The following DNAH14 variants were observed in gnomAD, a reference collection of about 807,000 sequenced individuals.
DNAH14 encodes axonemal beta dynein heavy chain 14.
Under a neutral mutation model 520.9 loss-of-function variants are expected in DNAH14, and 478 were observed. That is an observed-to-expected ratio of 0.92 (90% CI 0.85 to 0.99). The LOEUF (loss-of-function observed/expected upper bound fraction) is 0.99, where lower values mean the gene tolerates loss of function less well. Ranked by LOEUF, DNAH14 falls within the 50% of genes least tolerant of loss-of-function variation. The pLI is 0.00. For missense variants in DNAH14, 4,831 were observed against 5,234.5 expected, an observed-to-expected ratio of 0.92 and a Z score of 2.38; for synonymous variants, 1,581 against 1,757.2, an observed-to-expected ratio of 0.90 and a Z score of 2.51.
At chr1:225,335,085 A>T (rs1209715628) in intron 66 of DNAH14, among the ~76,000 whole-genome samples, 1 of 149,258 alleles carries the variant, frequency 6.7e-6, no homozygotes, top group Admixed American at 6.7e-5. Flanking sequence ...GTACATATGT[A>T]CATATATACA....
At chr1:225,220,599 T>C (rs1247954629) in intron 41 of DNAH14, among the ~76,000 whole-genome samples, 1 of 152,114 alleles carries the variant, frequency 6.6e-6, no homozygotes, top group East Asian at 1.9e-4. Flanking sequence ...TTACAAGGGA[T>C]GTGATGGACC....
chr1:225,263,458 C>A (rs2093009094), intron 46 of DNAH14, among the ~76,000 whole-genome samples: 1 of 151,824 alleles, frequency 6.6e-6, no homozygotes, highest in African/African-American at 2.4e-5. Flanking sequence ...TATAGCCCAT[C>A]TGATTCCTCC....
At chr1:225,191,473 C>A (rs965525591) in intron 37 of DNAH14, among the ~76,000 whole-genome samples, 6 of 152,074 alleles carry the variant, frequency 3.9e-5, no homozygotes, top group South Asian at 4.1e-4. Context: ...TATTGCCTCT[C>A]TCCTGCTACT....
chr1:225,338,361 C>A, intron 68 of DNAH14, 179 bp downstream of exon 68: 1 of 805,246 alleles, frequency 1.2e-6, no homozygotes, highest in Non-Finnish European at 2.1e-6. Context: ...GAAGAGATAA[C>A]CGATTTTTAT....
chr1:225,338,302 G>C, intron 68 of DNAH14, 120 bp downstream of exon 68: 1 of 1,271,894 alleles, frequency 7.9e-7, no homozygotes, highest in Non-Finnish European at 1.1e-6. Flanking sequence ...GATTGTCTTT[G>C]GAATATTCTT....
At chr1:225,285,150 G>A (rs2149953326) in intron 54 of DNAH14, among the ~76,000 whole-genome samples, 1 of 152,312 alleles carries the variant, frequency 6.6e-6, no homozygotes, top group African/African-American at 2.4e-5. Context: ...AAGAAAAAGT[G>A]GGGAAAGGGC....
chr1:225,272,927 A>G (rs1009753717), intron 51 of DNAH14, 28 bp from the exon 52 acceptor site: 3 of 1,496,308 alleles, frequency 2.0e-6, no homozygotes, highest in Non-Finnish European at 2.7e-6. Flanking sequence ...TTTTTTTTAA[A>G]AAAACGTTAT....
At chr1:224,998,135 C>T (rs185295983) in intron 8 of DNAH14, among the ~76,000 whole-genome samples, 1 of 152,108 alleles carries the variant, frequency 6.6e-6, no homozygotes, top group Non-Finnish European at 1.5e-5. Context: ...ATCTTGATAT[C>T]CCCTATTTCA....
intron 1 of DNAH14, among the ~76,000 whole-genome samples, chr1:224,933,391 C>CT (rs371081898): frequency 2.6e-5 from 4 of 151,992 alleles, no homozygotes; most frequent in Admixed American, 6.5e-5. Context: ...ATTTGATTTT[C>CT]TTTTTTTCCA....
chr1:225,214,762 G>A (rs984229148), intron 41 of DNAH14, among the ~76,000 whole-genome samples: 4 of 152,050 alleles, frequency 2.6e-5, no homozygotes, highest in African/African-American at 7.2e-5. Context: ...TATCCCCTTT[G>A]TCATTTTTTA....
chr1:225,272,395 T>C (rs926430523), intron 51 of DNAH14, among the ~76,000 whole-genome samples: 5 of 152,242 alleles, frequency 3.3e-5, no homozygotes, highest in African/African-American at 7.2e-5. Context: ...TGAAAGCATG[T>C]ATGCATTTCA....
intron 23 of DNAH14, among the ~76,000 whole-genome samples, chr1:225,104,145 A>G (rs1345464782): frequency 6.6e-6 from 1 of 152,190 alleles, no homozygotes; most frequent in Non-Finnish European, 1.5e-5. Flanking sequence ...TATTGAGATA[A>G]TCATATGGTT....
At chr1:225,047,158 A>G (rs55785201) in intron 15 of DNAH14, among the ~76,000 whole-genome samples, 8,385 of 152,154 alleles carry the variant, frequency 0.055, 471 homozygotes, top group East Asian at 0.24. Context: ...ACACACAACT[A>G]TATTTATTCC....
chr1:224,987,152 GACAGAC>G (rs2062702702), intron 8 of DNAH14, among the ~76,000 whole-genome samples: 1 of 134,076 alleles, frequency 7.5e-6, no homozygotes, highest in African/African-American at 2.7e-5. Context: ...CAGAGACAGA[GACAGAC>G]CTGAGACCTG....
In DNAH14 at chr1:225,353,852, C is replaced by A; in HGVS notation, c.11583C>A (p.Pro3861=). 1.3e-6 allele frequency: 2 copies of A among 1,515,134 alleles called. No individual in the cohort carries two copies. The highest frequency in any genetic ancestry group is 1.4e-5 in the African/African-American group (1 of 71,800). The allele number at this position is 1,515,134 out of a possible 1,614,324, so 93.9% of individuals were successfully genotyped here. The part of the protein sequence containing the change: ...NKETCNPINF[P]WEKLTSFQRL... ...AAACGTGTAATCCTATAAATTTTCC[C>A]TGGGAGAAACTCACTTCATTTCAAA... Residue 3861 remains proline, a synonymous_variant, in exon 73 of 86, where the codon CCC becomes CCA. Coordinates refer to ENST00000682510, the MANE Select transcript of DNAH14 (RefSeq NM_001367479.1).
At chr1:224,956,782 T>C (rs572586764) in intron 3 of DNAH14, among the ~76,000 whole-genome samples, 6 of 152,212 alleles carry the variant, frequency 3.9e-5, no homozygotes, top group East Asian at 3.9e-4. Context: ...CTGGCCTTCA[T>C]TGGGCCAGAA....
chr1:225,272,483 T>A (rs940666921), intron 51 of DNAH14, among the ~76,000 whole-genome samples: 1 of 152,228 alleles, frequency 6.6e-6, no homozygotes, highest in Non-Finnish European at 1.5e-5. Flanking sequence ...ATTTTCAAAA[T>A]TGAAATGTTA....
At chr1:225,387,667 G>A (rs1457743890) in intron 81 of DNAH14, among the ~76,000 whole-genome samples, 1 of 152,072 alleles carries the variant, frequency 6.6e-6, no homozygotes, top group Non-Finnish European at 1.5e-5. Context: ...AAAGCAGGAG[G>A]AAGTAATGAG....
At chr1:225,064,936 A>G (rs1388084946) in intron 17 of DNAH14, among the ~76,000 whole-genome samples, 3 of 152,008 alleles carry the variant, frequency 2.0e-5, no homozygotes. Flanking sequence ...TGATTTTTTT[A>G]AAAACCTAGC....
Sources: gnomAD v4.1 joint callset for allele counts (sites outside exome capture counted in the v4.1 genomes callset) on GRCh38, gnomAD v4.1.1 for gene constraint, MANE v1.5 for transcripts, NCBI Gene and HGNC (gene_info 2026-07-23, HGNC 2026-07-21) for gene names.